TFEC: variants seen among roughly 807,000 people sequenced by gnomAD.
TFEC encodes the protein class E basic helix-loop-helix protein 34.
Under a neutral mutation model 41.6 loss-of-function variants are expected in TFEC, and 31 were observed. The observed-to-expected ratio is 0.74, with a 90% confidence interval of 0.56 to 1.01. TFEC has a LOEUF of 1.01. TFEC is among the 50% of genes least tolerant of loss of function. TFEC has a pLI of 0.00. For missense variants in TFEC, 402 were observed against 404.1 expected (o/e 0.99, Z 0.04); for synonymous variants, 143 against 140.6 (o/e 1.02, Z -0.12).
At chr7:116,059,380 T>G (rs1562954810) in intron 3 of TFEC, among the ~76,000 whole-genome samples, 1 of 151,920 alleles carries the variant, frequency 6.6e-6, no homozygotes, top group African/African-American at 2.4e-5. Context: ...AAGAAAACTC[T>G]AAGCTCAGAT....
intron 1 of TFEC, among the ~76,000 whole-genome samples, chr7:116,119,151 T>C (rs2116189551): frequency 6.6e-6 from 1 of 151,936 alleles, no homozygotes; most frequent in Non-Finnish European, 1.5e-5. Flanking sequence ...CTTCAATAAA[T>C]TTATTAATGC....
chr7:115,974,435 TATATATATATATATAA>T lies in TFEC; in HGVS notation c.181-195_181-180del, dbSNP rs1185303436. Among the ~76,000 whole-genome samples the T allele has an allele frequency of 6.3e-3, 383 of 60,878 alleles. 18 individuals carry two copies. The highest frequency in any genetic ancestry group is 0.016 in the African/African-American group (241 of 15,352). 39.9% of individuals were successfully genotyped at this position (60,878 alleles called of 152,430 possible). A position where few individuals can be genotyped will look rare whatever the true frequency, so the allele number is the denominator to read the frequency against. On this transcript the variant is annotated intron_variant, in intron 2 of 7. Transcript: ENST00000265440. ...ATATATATATATATATATATATATATATATATATATATATAAAAACACAGATTACTTTAGCATTGAA... is the reference window on the plus strand; with the variant it reads ...ATATATATATATATATATATATATATAAACACAGATTACTTTAGCATTGAA...
intron 1 of TFEC, among the ~76,000 whole-genome samples, chr7:116,129,645 T>C (rs1165046012): frequency 2.8e-5 from 4 of 144,656 alleles, no homozygotes; most frequent in Admixed American, 7.2e-5. Context: ...CAGGTTGGAG[T>C]GCAGTGGTGG....
chr7:115,952,181 A>G (rs1466143343), intron 5 of TFEC, among the ~76,000 whole-genome samples: 2 of 151,976 alleles, frequency 1.3e-5, no homozygotes, highest in Non-Finnish European at 2.9e-5. Flanking sequence ...ATACATTGTG[A>G]TTCCTCTAAA....
chr7:116,136,721 T>C (rs961849907), intron 1 of TFEC, among the ~76,000 whole-genome samples: 5 of 151,930 alleles, frequency 3.3e-5, no homozygotes, highest in African/African-American at 1.2e-4. Flanking sequence ...GTCATATGAA[T>C]AATTTCTCAA....
At chr7:116,129,780 C>T (rs1489918293) in intron 1 of TFEC, among the ~76,000 whole-genome samples, 4 of 151,658 alleles carry the variant, frequency 2.6e-5, no homozygotes, top group Non-Finnish European at 5.9e-5. Context: ...CTCATCCCTA[C>T]TAAAAACCCA....
At chr7:116,115,724 G>C (rs922867109) in intron 1 of TFEC, among the ~76,000 whole-genome samples, 43 of 151,964 alleles carry the variant, frequency 2.8e-4, no homozygotes, top group African/African-American at 1.0e-3. Context: ...CATATCTGGG[G>C]GTTCATTATT....
intron 3 of TFEC, among the ~76,000 whole-genome samples, chr7:116,089,207 A>T (rs1000441244): frequency 2.0e-5 from 3 of 152,298 alleles, no homozygotes; most frequent in African/African-American, 7.2e-5. Flanking sequence ...TAGAATAGTG[A>T]GTATCATATG....
At chr7:115,955,508 C>T (rs1307156055) in intron 4 of TFEC, among the ~76,000 whole-genome samples, 4 of 152,006 alleles carry the variant, frequency 2.6e-5, no homozygotes, top group East Asian at 1.9e-4. Context: ...TGAAACACCT[C>T]GGGAGTGCAT....
chr7:116,116,492 A>T (rs1253121353), intron 1 of TFEC, among the ~76,000 whole-genome samples: 2 of 151,942 alleles, frequency 1.3e-5, no homozygotes, highest in Non-Finnish European at 2.9e-5. Context: ...AGAGTTTTGT[A>T]AGCTTTCAGT....
chr7:115,992,735 C>T (rs2130728799), intron 1 of TFEC, among the ~76,000 whole-genome samples: 1 of 152,206 alleles, frequency 6.6e-6, no homozygotes, highest in Admixed American at 6.5e-5. Flanking sequence ...CAAAAAAAGT[C>T]CAGGACCAGA....
intron 1 of TFEC, among the ~76,000 whole-genome samples, chr7:116,126,656 G>A (rs764021834): frequency 1.3e-5 from 2 of 151,700 alleles, no homozygotes; most frequent in Non-Finnish European, 2.9e-5. Context: ...AGGGAGGAGC[G>A]TGGATAGAAA....
chr7:116,097,284 C>T (rs2115906110), intron 3 of TFEC, among the ~76,000 whole-genome samples: 1 of 152,130 alleles, frequency 6.6e-6, no homozygotes, highest in Non-Finnish European at 1.5e-5. Context: ...TCTAAGACCC[C>T]CAGTAGCTGC....
intron 2 of TFEC, among the ~76,000 whole-genome samples, chr7:115,976,779 T>G (rs779580163): frequency 6.6e-6 from 1 of 152,074 alleles, no homozygotes; most frequent in African/African-American, 2.4e-5. Flanking sequence ...TTATGAGGAG[T>G]GCTTTTCATT....
chr7:116,046,458 G>C (rs10953798), intron 3 of TFEC, among the ~76,000 whole-genome samples: 93,594 of 151,890 alleles, frequency 0.62, 29,413 homozygotes, highest in African/African-American at 0.74. Context: ...CTCTTGCTGC[G>C]TTTCCCCTCT....
chr7:116,159,057 A>C (rs1054757415), intron 1 of TFEC, among the ~76,000 whole-genome samples: 1 of 151,834 alleles, frequency 6.6e-6, no homozygotes, highest in Non-Finnish European at 1.5e-5. Context: ...CAACTGACTC[A>C]CAGTTTTTAT....
chr7:116,037,423 A>T (rs962291033), intron 3 of TFEC, among the ~76,000 whole-genome samples: 2 of 151,990 alleles, frequency 1.3e-5, no homozygotes, highest in Non-Finnish European at 2.9e-5. Context: ...ACGAAATCAG[A>T]CATGGGTGCA....
At chr7:116,072,459 A>G (rs899056868) in intron 3 of TFEC, among the ~76,000 whole-genome samples, 2 of 151,726 alleles carry the variant, frequency 1.3e-5, no homozygotes, top group African/African-American at 4.8e-5. Flanking sequence ...AGAAAATCCA[A>G]GCATGTTATC....
rs1584535831 is a variant in TFEC, at chr7:115,937,246, GA to G, written c.*3304del. 6.6e-6 allele frequency: 1 copy of G among 151,614 alleles called. No individual in the cohort carries two copies. The highest frequency in any genetic ancestry group is 1.5e-5 in the Non-Finnish European group (1 of 67,692). The allele number at this position is 151,614 out of a possible 1,614,324, so 9.4% of individuals were successfully genotyped here. The stretch of plus-strand genomic sequence containing the variant: ...GTAATTATGAATTAAATCTTTAAAT[GA>G]AAAGGGATAATTGTATATTAATTGA... On this transcript the variant is annotated 3_prime_UTR_variant, in exon 8 of 8. Coordinates refer to ENST00000265440, the MANE Select transcript of TFEC (RefSeq NM_012252.4).
Sources: allele counts gnomAD v4.1 joint callset (sites outside exome capture counted in the v4.1 genomes callset), GRCh38; gene constraint gnomAD v4.1.1; transcripts MANE v1.5; gene names NCBI Gene and HGNC (gene_info 2026-07-23, HGNC 2026-07-21).